The following ZMYM1 variants were observed in gnomAD, a reference collection of about 807,000 sequenced individuals.
ZMYM1 encodes zinc finger MYM-type protein 1.
Under a neutral mutation model 60.0 loss-of-function variants are expected in ZMYM1, and 39 were observed. The observed-to-expected ratio is 0.65, with a 90% CI of 0.50 to 0.85. ZMYM1 has a LOEUF of 0.85. Ranked by LOEUF, ZMYM1 falls within the 40% of genes least tolerant of loss-of-function variation. ZMYM1 has a pLI of 0.00. For synonymous variants in ZMYM1, 413 were observed against 454.0 expected, an observed-to-expected ratio of 0.91 and a Z score of 1.15; for missense variants, 1,171 against 1,309.5, an observed-to-expected ratio of 0.89 and a Z score of 1.63.
rs139635827 is a variant in ZMYM1 at position 35,082,836 on chromosome 1, C to T, written c.-75+3394C>T. On this transcript the variant is annotated intron_variant, in intron 1 of 9. Coordinates refer to ENST00000359858, the MANE Select transcript of ZMYM1 (RefSeq NM_024772.5). ...CTCTACTAATAATACAAAAAATTAG[C>T]CAGGAGTGGTAGTGCATGCCTGTAA... is the stretch of plus-strand genomic sequence containing the variant. Among the ~76,000 whole-genome samples, 1,181 of 151,568 alleles carry T rather than the reference C, an allele frequency of 7.8e-3. 12 individuals carry two copies. Among genetic ancestry groups the T allele is most frequent in the Middle Eastern group, 0.014 (4 of 292 alleles).
Position 35,070,987 on chromosome 1 carries a change from C to T in ZMYM1, c.-300-8007C>T, listed in dbSNP as rs778538876. Among the ~76,000 whole-genome samples, 81 of 152,040 alleles carry T rather than the reference C, an allele frequency of 5.3e-4. 3 individuals carry two copies. Among genetic ancestry groups the T allele is most frequent in the Admixed American group, 2.6e-4 (4 of 15,242 alleles). On this transcript the variant is annotated intron_variant, in intron 1 of 10. Coordinates refer to the ZMYM1 transcript ENST00000417119. ...GCAACCTCCACCTCTCAGGTTGAAG[C>T]AATTCTCATGCTTCAGCCTCCCAAG...
intron 2 of ZMYM1, among the ~76,000 whole-genome samples, chr1:35,094,505 G>A (rs2935952): frequency 0.017 from 2,510 of 152,080 alleles, 66 homozygotes; most frequent in African/African-American, 0.057. Flanking sequence ...ACCTATAAAG[G>A]ATGAACTGAC....
At chr1:35,112,785 G>A (rs555773088) in intron 9 of ZMYM1, among the ~76,000 whole-genome samples, 192 bp from the exon 10 acceptor site, 10 of 151,450 alleles carry the variant, frequency 6.6e-5, no homozygotes, top group African/African-American at 2.2e-4. Flanking sequence ...ATACCAAAAG[G>A]TCCTTCAAAC....
chr1:35,063,431 C>T (rs1305495526), intron 1 of ZMYM1, among the ~76,000 whole-genome samples: 1 of 152,086 alleles, frequency 6.6e-6, no homozygotes, highest in Non-Finnish European at 1.5e-5. Flanking sequence ...CTTTAGCCTC[C>T]CGAGTATCTG....
chr1:35,113,640 C>T lies in ZMYM1; in HGVS notation c.1810C>T (p.Leu604Phe), dbSNP rs1334633739. 4 of 1,612,338 alleles carry T rather than the reference C, an allele frequency of 2.5e-6. No homozygotes were observed. The highest frequency in any genetic ancestry group is 1.3e-5 in the African/African-American group (1 of 74,828). The change falls in exon 10 of 10, where the codon CTT (leucine) becomes TTT (phenylalanine). Residue 604 changes from leucine to phenylalanine, a missense_variant. Leu to Phe is a conservative substitution (Grantham distance 22, BLOSUM62 0). Transcript: ENST00000359858. ...AGATAAAGGAGAAGAAACATTTCGA[C>T]TTATGAATTCACAAGTTGACTTCTA... ...AKDKGEETFR[L>F]MNSQVDFYNS... is the part of the protein sequence containing the mutation.
intron 7 of ZMYM1, among the ~76,000 whole-genome samples, chr1:35,111,141 A>G (rs906978051): frequency 1.3e-5 from 2 of 152,172 alleles, no homozygotes; most frequent in African/African-American, 4.8e-5. Flanking sequence ...GTTTTGTAAA[A>G]ACAAGTTTTC....
In ZMYM1 at chr1:35,095,885, G is replaced by A. The variant is rs1456951516; in HGVS notation, c.163G>A (p.Glu55Lys). The change falls in exon 3 of 10, where the codon GAG (glutamate) becomes AAG (lysine). Residue 55 changes from glutamate (E) to lysine (K), a missense_variant. Transcript: ENST00000359858. ...NELKINAVFSESASQLTAGIQ... is the reference protein window; with the variant it reads ...NELKINAVFSKSASQLTAGIQ... The stretch of plus-strand genomic sequence containing the variant: ...ACTGAAAATAAATGCTGTGTTTTCA[G>A]AGAGTGGTAATAGAATTATTTAAGT... 6.2e-7 allele frequency: 1 copy of A among 1,606,768 alleles called. No homozygotes were observed. The highest frequency in any genetic ancestry group is 8.5e-7 in the Non-Finnish European group (1 of 1,174,484).
At chr1:35,102,424 T>A (rs1643709967) in intron 4 of ZMYM1, among the ~76,000 whole-genome samples, 1 of 152,182 alleles carries the variant, frequency 6.6e-6, no homozygotes, top group Admixed American at 6.5e-5. Context: ...GTTCTGCAGA[T>A]CTTCTAGATG....
upstream of ZMYM1, among the ~76,000 whole-genome samples, chr1:35,074,654 G>T (rs1035889635): frequency 6.6e-6 from 1 of 151,890 alleles, no homozygotes; most frequent in African/African-American, 2.4e-5. Context: ...TGATCCACCC[G>T]CCTCAGCCTC....
chr1:35,102,550 A>G lies in ZMYM1; in HGVS notation c.420-1745A>G, dbSNP rs541629188. 6.6e-5 allele frequency among the ~76,000 whole-genome samples: 10 copies of G among 152,344 alleles called. No individual in the cohort carries two copies. The South Asian group carries it at 1.9e-3, about 28-fold the overall frequency. The stretch of plus-strand genomic sequence containing the variant: ...ATACAAGTTTTCCAAAATTCTAATT[A>G]TCACTTGAAAGACAAAATTTTATTG... On this transcript the variant is annotated intron_variant, in intron 4 of 9. Coordinates refer to ENST00000359858, the MANE Select transcript of ZMYM1 (RefSeq NM_024772.5).
At chr1:35,071,590 T>C (rs1569846621) in intron 1 of ZMYM1, among the ~76,000 whole-genome samples, 1 of 152,108 alleles carries the variant, frequency 6.6e-6, no homozygotes, top group East Asian at 1.9e-4. Context: ...CACCTCAGCC[T>C]CCCAAAATGC....
At position 35,061,021 on chromosome 1, in the gene ZMYM1, C is replaced by T. The variant is rs1407689561; in HGVS notation, c.-301+1096C>T. 2.6e-5 allele frequency among the ~76,000 whole-genome samples: 4 copies of T among 152,232 alleles called. No homozygotes were observed. In the South Asian group the frequency reaches 6.2e-4, roughly 24 times the overall value. Reference sequence around the variant, plus strand: ...CTGAACAGCTCCTCCCCAATGGACACCTGCCATGGCCTTGAGCCCCTAACT... The same window carrying T: ...CTGAACAGCTCCTCCCCAATGGACATCTGCCATGGCCTTGAGCCCCTAACT... On this transcript the variant is annotated intron_variant, in intron 1 of 10. Transcript: ENST00000417119.
At chr1:35,102,504 C>CTT (rs1643713734) in intron 4 of ZMYM1, among the ~76,000 whole-genome samples, 1 of 152,086 alleles carries the variant, frequency 6.6e-6, no homozygotes, top group Non-Finnish European at 1.5e-5. Flanking sequence ...TTTTGGGTAT[C>CTT]GATCAAGTTG....
In ZMYM1 at chr1:35,097,545, G is replaced by C. The variant is rs753772217; in HGVS notation, c.398G>C (p.Arg133Thr). 1 of 1,614,196 alleles carries C rather than the reference G, an allele frequency of 6.2e-7. No homozygotes were observed. The highest frequency in any genetic ancestry group is 8.5e-7 in the Non-Finnish European group (1 of 1,180,028). ...GCCAGTTCACCAGTTCCTTCTAAGA[G>C]AACTTGTTCAAACTGCTCAAAGTAT... is the stretch of plus-strand genomic sequence containing the variant. ...SSASSPVPSK[R>T]TCSNCSKDIL... Residue 133 changes from arginine to threonine, a missense_variant, in exon 4 of 10, where the codon AGA (arginine) becomes ACA (threonine). Transcript: ENST00000359858.
At chr1:35,103,403 A>G (rs1273270506) in intron 4 of ZMYM1, among the ~76,000 whole-genome samples, 1 of 152,160 alleles carries the variant, frequency 6.6e-6, no homozygotes, top group Non-Finnish European at 1.5e-5. Flanking sequence ...GCTAGAGTGC[A>G]GTGACTTTTT....
intron 6 of ZMYM1, among the ~76,000 whole-genome samples, chr1:35,105,198 G>A (rs755914185): frequency 2.9e-4 from 39 of 134,136 alleles, no homozygotes; most frequent in East Asian, 1.4e-3. Flanking sequence ...GCGGTGGCGC[G>A]ATCTCGGCTC....
chr1:35,086,425 C>T (rs1218991008), intron 1 of ZMYM1, among the ~76,000 whole-genome samples: 1 of 152,082 alleles, frequency 6.6e-6, no homozygotes, highest in Non-Finnish European at 1.5e-5. Context: ...CTGCCTCAGC[C>T]TCCTGAGTAG....
At position 35,104,644 on chromosome 1, in the gene ZMYM1, A is replaced by G; in HGVS notation, c.682A>G (p.Ile228Val). Residue 228 changes from isoleucine (I) to valine (V), a missense_variant, in exon 6 of 10, where the codon ATC becomes GTC. Ile to Val is a conservative substitution (Grantham distance 29). Coordinates refer to ENST00000359858, the MANE Select transcript of ZMYM1 (RefSeq NM_024772.5). ...LSKFHSANNF[I>V]MNCCENCGTY... ...AAAGTTTCACTCTGCTAACAACTTC[A>G]TCATGAACTGCTGTGAGAACTGTGG... The G allele has an allele frequency of 1.2e-6, 2 of 1,614,194 alleles. No individual in the cohort carries two copies. Among genetic ancestry groups the G allele is most frequent in the Non-Finnish European group, 1.7e-6 (2 of 1,180,036 alleles).
At chr1:35,108,186 AT>A (rs1271860169) in intron 6 of ZMYM1, among the ~76,000 whole-genome samples, 4 of 152,230 alleles carry the variant, frequency 2.6e-5, no homozygotes, top group African/African-American at 4.8e-5. Flanking sequence ...AATTGTTAAG[AT>A]TTCTCAAAAT....
Sources: gnomAD v4.1 joint callset for allele counts (sites outside exome capture counted in the v4.1 genomes callset) on GRCh38, gnomAD v4.1.1 for gene constraint, MANE v1.5 for transcripts, NCBI Gene and HGNC (gene_info 2026-07-23, HGNC 2026-07-21) for gene names.